ALK: variants seen among roughly 807,000 people sequenced by gnomAD.
ALK encodes ALK receptor tyrosine kinase.
A neutral mutation model predicts 163.1 loss-of-function variants in ALK; 74 were observed. The observed-to-expected ratio is 0.45, with a 90% CI of 0.38 to 0.55. The LOEUF (loss-of-function observed/expected upper bound fraction) is 0.55. Among genes scored for constraint, ALK ranks in the 20% least tolerant of loss-of-function variants. The pLI, the probability that ALK is intolerant of heterozygous loss-of-function variation, is 0.00. For synonymous variants in ALK, 960 were observed against 843.2 expected (o/e 1.14, Z -2.40); for missense variants, 2,063 against 2,105.3 (o/e 0.98, Z 0.39).
chr2:29,324,039 C>T lies in ALK; in HGVS notation c.1415-3157G>A, dbSNP rs534909232. Among the ~76,000 whole-genome samples the T allele has an allele frequency of 3.3e-5, 5 of 152,348 alleles. No individual in the cohort carries two copies. In the East Asian group the frequency reaches 9.6e-4, roughly 29 times the overall value. ...AATCAGAATCTGCATTTTTAAGAGG[C>T]TCCCCTAGTGACTCCTGTGCACCTT... On this transcript the variant is annotated intron_variant, in intron 6 of 28. Transcript: ENST00000389048.
chr2:29,272,185 G>GGAGGGAGAGAGAGAGA (rs1553402255), intron 11 of ALK, among the ~76,000 whole-genome samples: 139 of 145,226 alleles, frequency 9.6e-4, no homozygotes, highest in Admixed American at 2.1e-3. Flanking sequence ...GTCGGGTGAG[G>GGAGGGAGAGAGAGAGA]GAGAGAGAGA....
At position 29,275,490 on chromosome 2, in the gene ALK, C is replaced by G; in HGVS notation, c.1824G>C (p.Trp608Cys). The G allele has an allele frequency of 6.2e-7, 1 of 1,614,042 alleles. No homozygotes were observed. The highest frequency in any genetic ancestry group is 1.1e-5 in the South Asian group (1 of 91,068). Residue 608 changes from tryptophan to cysteine, a missense_variant, in exon 10 of 29, where the codon TGG (tryptophan) becomes TGC (cysteine). Trp to Cys is a radical substitution (Grantham distance 215). Coordinates refer to ENST00000389048, the MANE Select transcript of ALK (RefSeq NM_004304.5). ...LPLLDVSDRF[W>C]LQMVAWWGQG... ...GTCCCCACCATGCGACCATCTGCAG[C>G]CAGAACCTGTACACATCAAGAGGAA... is the stretch of plus-strand genomic sequence containing the variant.
At chr2:29,680,288 C>G (rs568206500) in intron 3 of ALK, among the ~76,000 whole-genome samples, 4 of 151,980 alleles carry the variant, frequency 2.6e-5, no homozygotes, top group Non-Finnish European at 5.9e-5. Flanking sequence ...TTTCTTTTCT[C>G]TCTTATAGGA....
At chr2:29,854,270 C>G (rs947370589) in intron 1 of ALK, among the ~76,000 whole-genome samples, 9 of 152,156 alleles carry the variant, frequency 5.9e-5, no homozygotes, top group African/African-American at 2.2e-4. Flanking sequence ...TTTGTCCCCT[C>G]CAAATCTCAT....
At chr2:29,695,636 G>C (rs1678532990) in intron 2 of ALK, among the ~76,000 whole-genome samples, 1 of 151,966 alleles carries the variant, frequency 6.6e-6, no homozygotes, top group South Asian at 2.1e-4. Context: ...CTAATAACTA[G>C]AATCTACAAA....
At chr2:29,348,055 T>A (rs1011956920) in intron 5 of ALK, among the ~76,000 whole-genome samples, 1 of 152,140 alleles carries the variant, frequency 6.6e-6, no homozygotes. Context: ...ACCTTTCCCA[T>A]CAACTTGATA....
chr2:29,499,076 C>A (rs1231210471), intron 4 of ALK, among the ~76,000 whole-genome samples: 2 of 152,172 alleles, frequency 1.3e-5, no homozygotes, highest in Non-Finnish European at 2.9e-5. Context: ...CCTGTGGTGG[C>A]CTGCCTGGCA....
At chr2:29,589,897 G>T (rs1162940014) in intron 3 of ALK, among the ~76,000 whole-genome samples, 2 of 152,194 alleles carry the variant, frequency 1.3e-5, no homozygotes, top group African/African-American at 2.4e-5. Flanking sequence ...TGGCAGAAAG[G>T]AAAGTAAACA....
chr2:29,337,396 A>G (rs573268680), intron 5 of ALK, among the ~76,000 whole-genome samples: 7 of 152,326 alleles, frequency 4.6e-5, no homozygotes, highest in African/African-American at 1.7e-4. Context: ...CTCTGGGACC[A>G]TGAACAAGTC....
chr2:29,907,960 C>T (rs141065185), intron 1 of ALK, among the ~76,000 whole-genome samples: 226 of 152,242 alleles, frequency 1.5e-3, no homozygotes, highest in African/African-American at 5.2e-3. Context: ...GACTCCTTCT[C>T]ATTTGTTCCT....
At chr2:29,551,647 A>G (rs940982272) in intron 3 of ALK, among the ~76,000 whole-genome samples, 4 of 152,150 alleles carry the variant, frequency 2.6e-5, no homozygotes, top group Admixed American at 2.0e-4. Flanking sequence ...TCTCATTAGA[A>G]GAGAGAGGCA....
At chr2:29,528,548 T>A (rs934523412) in intron 4 of ALK, among the ~76,000 whole-genome samples, 20 of 152,156 alleles carry the variant, frequency 1.3e-4, no homozygotes, top group Admixed American at 1.1e-3. Flanking sequence ...TGTGTCTTCC[T>A]TACTGGACTA....
chr2:29,229,388 G>A (rs1345531615), intron 15 of ALK, among the ~76,000 whole-genome samples: 4 of 152,194 alleles, frequency 2.6e-5, no homozygotes, highest in Non-Finnish European at 5.9e-5. Flanking sequence ...CAGACAGGCA[G>A]CATGGCGACT....
At chr2:29,625,679 G>A (rs532864312) in intron 3 of ALK, among the ~76,000 whole-genome samples, 30 of 152,308 alleles carry the variant, frequency 2.0e-4, no homozygotes, top group Non-Finnish European at 3.2e-4. Context: ...CCTTCTATAC[G>A]CCAGGTGTTT....
intron 3 of ALK, among the ~76,000 whole-genome samples, chr2:29,583,050 GT>G (rs773811258): frequency 1.6e-5 from 1 of 62,974 alleles, no homozygotes; most frequent in Admixed American, 1.4e-4. Context: ...TTGTTTTTTT[GT>G]TTTTTTTAGT....
chr2:29,512,459 A>G (rs1672549709), intron 4 of ALK, among the ~76,000 whole-genome samples: 1 of 149,206 alleles, frequency 6.7e-6, no homozygotes, highest in Admixed American at 6.7e-5. Flanking sequence ...ACTTCATGCT[A>G]AAAACTCTCA....
chr2:29,509,422 T>G (rs1672447162), intron 4 of ALK, among the ~76,000 whole-genome samples: 1 of 152,216 alleles, frequency 6.6e-6, no homozygotes, highest in Non-Finnish European at 1.5e-5. Flanking sequence ...GAAAGCTTTC[T>G]GTACTTGCTT....
chr2:29,896,182 G>A (rs1667264203), intron 1 of ALK, among the ~76,000 whole-genome samples: 1 of 152,206 alleles, frequency 6.6e-6, no homozygotes, highest in South Asian at 2.1e-4. Flanking sequence ...AGGGAGCCGG[G>A]CTGCAGAGGA....
chr2:29,800,776 G>A (rs922353075), intron 1 of ALK, among the ~76,000 whole-genome samples: 5 of 152,200 alleles, frequency 3.3e-5, no homozygotes, highest in African/African-American at 1.2e-4. Context: ...AAAACAGGCA[G>A]AGAGGAAGAA....
Sources: allele counts gnomAD v4.1 joint callset (sites outside exome capture counted in the v4.1 genomes callset), GRCh38; gene constraint gnomAD v4.1.1; transcripts MANE v1.5; gene names NCBI Gene and HGNC (gene_info 2026-07-23, HGNC 2026-07-21).